The following KIAA1217 variants were observed in gnomAD, a reference collection of about 807,000 sequenced individuals.
KIAA1217 encodes the protein sickle tail protein homolog.
A neutral mutation model predicts 163.9 loss-of-function variants in KIAA1217; 88 were observed. The ratio of observed to expected loss-of-function variants is 0.54; its 90% CI spans 0.45 to 0.64. The LOEUF (loss-of-function observed/expected upper bound fraction) is 0.64. Ranked by LOEUF, KIAA1217 falls within the 30% of genes least tolerant of loss-of-function variation. The pLI is 0.00. For missense variants in KIAA1217, 2,372 were observed against 2,475.0 expected (o/e 0.96, Z 0.88); for synonymous variants, 903 against 923.1 (o/e 0.98, Z 0.39).
At chr10:23,878,275 C>T (rs904871439) in intron 1 of KIAA1217, among the ~76,000 whole-genome samples, 6 of 151,904 alleles carry the variant, frequency 3.9e-5, no homozygotes, top group African/African-American at 1.4e-4. Context: ...AAAATTTCTA[C>T]TATGAAGCCA....
chr10:23,696,566 G>A (rs1476361481), intron 1 of KIAA1217, among the ~76,000 whole-genome samples: 1 of 152,204 alleles, frequency 6.6e-6, no homozygotes, highest in African/African-American at 2.4e-5. Context: ...GCCCAACTAT[G>A]TATGTGCCAG....
intron 2 of KIAA1217, among the ~76,000 whole-genome samples, chr10:24,296,150 C>T (rs1309197619): frequency 1.3e-5 from 2 of 152,112 alleles, no homozygotes; most frequent in Non-Finnish European, 2.9e-5. Context: ...GTTGCCCAGG[C>T]TGGAGTGCAG....
intron 3 of KIAA1217, among the ~76,000 whole-genome samples, chr10:24,424,109 G>T (rs912110494): frequency 2.6e-5 from 4 of 151,720 alleles, no homozygotes; most frequent in Non-Finnish European, 5.9e-5. Context: ...TGCGGAGAAT[G>T]AATTTTCTAT....
At chr10:24,234,713 T>A (rs1373086997) in intron 2 of KIAA1217, among the ~76,000 whole-genome samples, 1 of 152,044 alleles carries the variant, frequency 6.6e-6, no homozygotes, top group Non-Finnish European at 1.5e-5. Flanking sequence ...CTTTGCTTTT[T>A]CAGCCTAATT....
chr10:23,728,527 T>C (rs769125694), intron 1 of KIAA1217, among the ~76,000 whole-genome samples: 1 of 151,786 alleles, frequency 6.6e-6, no homozygotes, highest in Non-Finnish European at 1.5e-5. Flanking sequence ...TTGTTGTAAA[T>C]TTGTTTAAGC....
chr10:23,934,476 T>G (rs1455595216), intron 1 of KIAA1217, among the ~76,000 whole-genome samples: 1 of 146,444 alleles, frequency 6.8e-6, no homozygotes, highest in Non-Finnish European at 1.5e-5. Flanking sequence ...ATCTGCACAT[T>G]CTGCACATGT....
At chr10:24,524,104 T>C (rs992853167) in intron 12 of KIAA1217, among the ~76,000 whole-genome samples, 6 of 152,270 alleles carry the variant, frequency 3.9e-5, no homozygotes, top group Admixed American at 6.5e-5. Flanking sequence ...GACTCATGAT[T>C]CATTTTCTTC....
intron 2 of KIAA1217, among the ~76,000 whole-genome samples, chr10:24,243,618 T>A (rs1349173070): frequency 6.6e-6 from 1 of 151,248 alleles, no homozygotes; most frequent in Non-Finnish European, 1.5e-5. Context: ...TTTATGGCTG[T>A]GTAGAATATT....
chr10:24,268,168 C>T (rs1162491170), intron 2 of KIAA1217, among the ~76,000 whole-genome samples: 1 of 152,134 alleles, frequency 6.6e-6, no homozygotes, highest in Non-Finnish European at 1.5e-5. Flanking sequence ...GTTCATTTGG[C>T]TAGAAAGGTC....
In KIAA1217 at chr10:24,521,909, C is replaced by G. The variant is rs199974260; in HGVS notation, c.2436C>G (p.Asp812Glu). ...TGAAGCGTGTGCGCAGCATGACAGA[C>G]GTCCTGACCATGCTGCGGAGGTGAC... is the stretch of plus-strand genomic sequence containing the variant. ...SLLKRVRSMT[D>E]VLTMLRRHVT... Residue 812 changes from aspartate to glutamate, a missense_variant, in exon 12 of 21, where the codon GAC (aspartate) becomes GAG (glutamate). By Grantham distance (45) the Asp-to-Glu change is conservative (BLOSUM62 2). Coordinates refer to ENST00000376454, the MANE Select transcript of KIAA1217 (RefSeq NM_019590.5). 6.2e-7 allele frequency: 1 copy of G among 1,611,934 alleles called. No individual in the cohort carries two copies. Among genetic ancestry groups the G allele is most frequent in the African/African-American group, 1.3e-5 (1 of 74,906 alleles).
intron 8 of KIAA1217, among the ~76,000 whole-genome samples, chr10:24,497,175 A>G (rs1222722759): frequency 2.0e-5 from 3 of 152,234 alleles, no homozygotes; most frequent in Non-Finnish European, 4.4e-5. Flanking sequence ...TCTGTAGACA[A>G]GTAAACGGAA....
chr10:24,466,555 A>C (rs2062965386), intron 5 of KIAA1217: 3 of 985,358 alleles, frequency 3.0e-6, no homozygotes, highest in South Asian at 9.4e-5. Context: ...TTCTCTCCGA[A>C]AACTGGGTAA....
At chr10:23,711,641 C>T (rs185412069) in intron 1 of KIAA1217, among the ~76,000 whole-genome samples, 11 of 152,272 alleles carry the variant, frequency 7.2e-5, no homozygotes, top group Admixed American at 7.2e-4. Context: ...GTGCTTATTA[C>T]AAGGGAACAA....
intron 1 of KIAA1217, among the ~76,000 whole-genome samples, chr10:23,824,651 TAAAAAAA>T (rs1202271522): frequency 0.025 from 1,787 of 72,020 alleles, 25 homozygotes; most frequent in African/African-American, 0.067. Flanking sequence ...AAAAAAAAAA[TAAAAAAA>T]ATATATATAT....
upstream of KIAA1217, among the ~76,000 whole-genome samples, chr10:24,208,084 C>T (rs1416095648): frequency 1.3e-5 from 2 of 151,754 alleles, no homozygotes; most frequent in Non-Finnish European, 2.9e-5. Flanking sequence ...TATCTGACAT[C>T]GCAGAGCTAA....
chr10:24,445,422 T>G lies in KIAA1217; in HGVS notation c.846+6943T>G, dbSNP rs546814729. On this transcript the variant is annotated intron_variant, in intron 5 of 20. Transcript: ENST00000376454. The stretch of plus-strand genomic sequence containing the variant: ...TATACTTTAAGTTTTAGGGTACATG[T>G]GCACAACGTGCAGGTTTGTTACATA... Among the ~76,000 whole-genome samples, 8 of 152,244 alleles carry G rather than the reference T, an allele frequency of 5.3e-5. No homozygotes were observed. In the South Asian group the frequency reaches 8.3e-4, roughly 16 times the overall value.
intron 1 of KIAA1217, among the ~76,000 whole-genome samples, chr10:23,704,324 A>T (rs1404588519): frequency 6.6e-6 from 1 of 150,392 alleles, no homozygotes; most frequent in Non-Finnish European, 1.5e-5. Context: ...TGTACAATTC[A>T]TCCATTTAAA....
At chr10:23,759,804 T>A (rs926157622) in intron 1 of KIAA1217, among the ~76,000 whole-genome samples, 2 of 152,194 alleles carry the variant, frequency 1.3e-5, no homozygotes, top group African/African-American at 4.8e-5. Flanking sequence ...GAGCCTCCAG[T>A]CCCCATGTGT....
intron 12 of KIAA1217, 36 bp from the exon 13 acceptor site, chr10:24,524,287 A>G (rs1343168764): frequency 6.3e-7 from 1 of 1,579,240 alleles, no homozygotes; most frequent in Admixed American, 1.7e-5. Flanking sequence ...AGAAAGTGAC[A>G]TGAGGGTTAA....
Sources: gnomAD v4.1 joint callset for allele counts (sites outside exome capture counted in the v4.1 genomes callset) on GRCh38, gnomAD v4.1.1 for gene constraint, MANE v1.5 for transcripts, NCBI Gene and HGNC (gene_info 2026-07-23, HGNC 2026-07-21) for gene names.